Variants in CADM2 observed in about 807,000 individuals in gnomAD.
CADM2 encodes the protein immunoglobulin superfamily member 4D.
A neutral mutation model predicts 49.8 loss-of-function variants in CADM2; 12 were observed. The observed-to-expected ratio is 0.24, with a 90% CI of 0.15 to 0.39. CADM2 has a LOEUF of 0.39. Among genes scored for constraint, CADM2 ranks in the 10% least tolerant of loss-of-function variants. The pLI is 1.00. For synonymous variants in CADM2, 214 were observed against 175.4 expected, an observed-to-expected ratio of 1.22 and a Z score of -1.74; for missense variants, 378 against 492.3, an observed-to-expected ratio of 0.77 and a Z score of 2.20.
chr3:85,903,180 C>T (rs1294230332), intron 5 of CADM2, among the ~76,000 whole-genome samples: 1 of 151,956 alleles, frequency 6.6e-6, no homozygotes, highest in African/African-American at 2.4e-5. Context: ...AATTGTTTTA[C>T]ATCATTAATT....
intron 1 of CADM2, among the ~76,000 whole-genome samples, chr3:85,617,747 A>G (rs1670513275): frequency 6.6e-6 from 1 of 152,162 alleles, no homozygotes; most frequent in Non-Finnish European, 1.5e-5. Context: ...GTCAGTCATT[A>G]GGATAAAAAA....
At chr3:85,434,449 A>G (rs755740978) in intron 1 of CADM2, among the ~76,000 whole-genome samples, 12 of 151,930 alleles carry the variant, frequency 7.9e-5, no homozygotes, top group Non-Finnish European at 1.6e-4. Context: ...CCACTCAACA[A>G]ATATGTACTA....
At chr3:85,322,858 T>A (rs2107113948) in intron 1 of CADM2, among the ~76,000 whole-genome samples, 1 of 152,220 alleles carries the variant, frequency 6.6e-6, no homozygotes, top group Non-Finnish European at 1.5e-5. Context: ...AAATTCAAAC[T>A]TGTTTGGTGA....
intron 1 of CADM2, among the ~76,000 whole-genome samples, chr3:85,050,666 T>A (rs1451411234): frequency 1.3e-5 from 2 of 152,206 alleles, no homozygotes; most frequent in African/African-American, 4.8e-5. Context: ...ATTTCTAGAA[T>A]GGAATTAACC....
chr3:85,943,173 G>C (rs1488140843), intron 7 of CADM2, among the ~76,000 whole-genome samples: 1 of 149,580 alleles, frequency 6.7e-6, no homozygotes, highest in South Asian at 2.1e-4. Context: ...CCCACTTTTT[G>C]ATGGGGTTGT....
chr3:85,093,107 G>A (rs1479798707), intron 1 of CADM2, among the ~76,000 whole-genome samples: 1 of 152,016 alleles, frequency 6.6e-6, no homozygotes, highest in Non-Finnish European at 1.5e-5. Context: ...AAATTCATAG[G>A]TCCAGCATTC....
intron 8 of CADM2, among the ~76,000 whole-genome samples, chr3:86,039,716 G>A (rs1735614479): frequency 6.6e-6 from 1 of 152,162 alleles, no homozygotes; most frequent in Non-Finnish European, 1.5e-5. Flanking sequence ...GTCCCTGCCT[G>A]ACAGCTTTGA....
At chr3:85,333,550 G>T (rs534956112) in intron 1 of CADM2, among the ~76,000 whole-genome samples, 3 of 151,700 alleles carry the variant, frequency 2.0e-5, no homozygotes, top group Non-Finnish European at 4.4e-5. Context: ...CTGCCTGTTT[G>T]CACATTAAAT....
intron 1 of CADM2, among the ~76,000 whole-genome samples, chr3:85,502,511 G>T (rs931961017): frequency 6.6e-6 from 1 of 152,036 alleles, no homozygotes; most frequent in South Asian, 2.1e-4. Context: ...AAGAGAAAAA[G>T]AATCTTTGAT....
chr3:85,930,296 AT>A (rs1720425368), intron 6 of CADM2, among the ~76,000 whole-genome samples: 1 of 152,002 alleles, frequency 6.6e-6, no homozygotes, highest in African/African-American at 2.4e-5. Flanking sequence ...CATTTAAAAA[AT>A]TTTTCTTTTT....
intron 6 of CADM2, among the ~76,000 whole-genome samples, chr3:85,933,034 C>T (rs1720791483): frequency 6.6e-6 from 1 of 152,130 alleles, no homozygotes; most frequent in Non-Finnish European, 1.5e-5. Flanking sequence ...ACTGCTTAAA[C>T]TAAACAGGCA....
rs1319676527 is a variant in CADM2 at position 86,063,418 on chromosome 3, T to C, written c.971-2187T>C. ...CCAGGCTGGCATTACAAGTCCCCTC[T>C]GTCTTGACAAGGTTTGTTGTTCCCT... On this transcript the variant is annotated intron_variant, in intron 8 of 9. Transcript: ENST00000383699. Among the ~76,000 whole-genome samples, 5 of 152,184 alleles carry C rather than the reference T, an allele frequency of 3.3e-5. No individual in the cohort carries two copies. In the East Asian group the frequency reaches 9.7e-4, roughly 29 times the overall value.
At chr3:85,980,349 A>T (rs1048003864) in intron 8 of CADM2, among the ~76,000 whole-genome samples, 15 of 151,454 alleles carry the variant, frequency 9.9e-5, no homozygotes, top group Admixed American at 4.6e-4. Flanking sequence ...CTAGATATTA[A>T]GTTGATTTGC....
In CADM2 at chr3:85,618,622, T is replaced by C. The variant is rs577791459; in HGVS notation, c.62-107900T>C. Reference sequence around the variant, plus strand: ...GGCTTGGCTCACCTACGTAATTCTTTATCTTGATATGTATTTGTGTGCCTC... The same window carrying C: ...GGCTTGGCTCACCTACGTAATTCTTCATCTTGATATGTATTTGTGTGCCTC... On this transcript the variant is annotated intron_variant, in intron 1 of 9. Transcript: ENST00000383699. Among the ~76,000 whole-genome samples, 3 of 152,264 alleles carry C rather than the reference T, an allele frequency of 2.0e-5. No homozygotes were observed. In the East Asian group the frequency reaches 5.8e-4, roughly 29 times the overall value.
intron 5 of CADM2, among the ~76,000 whole-genome samples, chr3:85,897,717 GT>G (rs1332500881): frequency 3.9e-5 from 6 of 151,982 alleles, no homozygotes; most frequent in Non-Finnish European, 4.4e-5. Flanking sequence ...ATTTTATTTG[GT>G]GTTGCAAAAC....
chr3:85,014,225 T>C (rs1334274523), intron 1 of CADM2, among the ~76,000 whole-genome samples: 1 of 149,922 alleles, frequency 6.7e-6, no homozygotes, highest in Non-Finnish European at 1.5e-5. Flanking sequence ...ATATCATATA[T>C]ACGCAGTGTA....
chr3:85,228,906 C>T (rs1307992293), intron 1 of CADM2, among the ~76,000 whole-genome samples: 1 of 152,140 alleles, frequency 6.6e-6, no homozygotes, highest in Non-Finnish European at 1.5e-5. Flanking sequence ...TTTAAGTCTG[C>T]CGAAGCTTTG....
chr3:85,957,809 CAT>C (rs1724239607), intron 7 of CADM2, among the ~76,000 whole-genome samples: 1 of 151,718 alleles, frequency 6.6e-6, no homozygotes, highest in African/African-American at 2.4e-5. Flanking sequence ...TATTTTCACT[CAT>C]TAATTATAAA....
At chr3:85,838,489 T>G (rs777961262) in intron 3 of CADM2, among the ~76,000 whole-genome samples, 1 of 151,816 alleles carries the variant, frequency 6.6e-6, no homozygotes, top group Admixed American at 6.6e-5. Context: ...TTAGCACATA[T>G]TATGCACTCA....
Sources: allele counts gnomAD v4.1 joint callset (sites outside exome capture counted in the v4.1 genomes callset), GRCh38; gene constraint gnomAD v4.1.1; transcripts MANE v1.5; gene names NCBI Gene and HGNC (gene_info 2026-07-23, HGNC 2026-07-21).